Variants in CTSF observed in about 807,000 individuals in gnomAD.
The protein encoded by CTSF is cathepsin F.
In CTSF, 65 loss-of-function variants were observed where a neutral mutation model predicts 63.5. The ratio of observed to expected loss-of-function variants is 1.02; its 90% CI spans 0.84 to 1.26. The LOEUF (loss-of-function observed/expected upper bound fraction) is 1.26. CTSF is among the 50% of genes most tolerant of loss of function. The pLI is 0.00. For missense variants in CTSF, 641 were observed against 631.0 expected (o/e 1.02, Z -0.17); for synonymous variants, 256 against 258.1 (o/e 0.99, Z 0.08).
In CTSF at chr11:66,565,908, C is replaced by T; in HGVS notation, c.887G>A (p.Trp296Ter). 6.2e-7 allele frequency: 1 copy of T among 1,614,060 alleles called. No homozygotes were observed. Among genetic ancestry groups the T allele is most frequent in the Non-Finnish European group, 8.5e-7 (1 of 1,180,018 alleles). The part of the protein sequence containing the change: ...VKDQGMCGSC[W>*]AFSVTGNVEG... Reference sequence around the variant, plus strand: ...CACATTGCCTGTGACTGAGAAGGCCCAGCAGGAGCCACACATGCCCTACAA... The same window carrying T: ...CACATTGCCTGTGACTGAGAAGGCCTAGCAGGAGCCACACATGCCCTACAA... Residue 296 changes from tryptophan (W) to a stop codon, truncating the protein, a stop_gained, in exon 7 of 13, where the codon TGG becomes TAG. Coordinates refer to ENST00000310325, the MANE Select transcript of CTSF (RefSeq NM_003793.4). LOFTEE classifies it high-confidence loss of function.
intron 7 of CTSF, 27 bp downstream of exon 7, chr11:66,565,804 G>T: frequency 6.2e-7 from 1 of 1,613,942 alleles, no homozygotes; most frequent in South Asian, 1.1e-5. Context: ...CTAGGCTGGG[G>T]ACAGAGGAGT....
Position 66,568,278 on chromosome 11 carries a change from C to T in CTSF, c.209G>A (p.Arg70His), listed in dbSNP as rs759760874. The T allele has an allele frequency of 6.7e-7, 1 of 1,497,536 alleles. No homozygotes were observed. The highest frequency in any genetic ancestry group is 1.4e-5 in the African/African-American group (1 of 69,560). 92.8% of individuals were successfully genotyped at this position (1,497,536 alleles called of 1,614,324 possible). ...AVLGLVRGRVRRAGQGSLYSL... is the reference protein window; with the variant it reads ...AVLGLVRGRVHRAGQGSLYSL... ...CCGCCCCCGGCGCGTCCTCACCCGG[C>T]GGACGCGGCCGCGCACAAGGCCCAG... The change falls in exon 1 of 13, where the codon CGC (arginine) becomes CAC (histidine). Residue 70 changes from arginine to histidine, a missense_variant. Arg to His is a conservative substitution (Grantham distance 29). Transcript: ENST00000310325.
chr11:66,565,794 C>CT, intron 7 of CTSF, 37 bp downstream of exon 7: 1 of 1,613,878 alleles, frequency 6.2e-7, no homozygotes, highest in Non-Finnish European at 8.5e-7. Context: ...TCCTGAGGGG[C>CT]TAGGCTGGGG....
chr11:66,563,864 C>T lies in CTSF; in HGVS notation c.*69G>A, dbSNP rs768881878. The T allele has an allele frequency of 8.1e-5, 129 of 1,592,680 alleles. No homozygotes were observed. The highest frequency in any genetic ancestry group is 1.1e-4 in the Non-Finnish European group (127 of 1,167,320). On this transcript the variant is annotated 3_prime_UTR_variant, in exon 13 of 13. Coordinates refer to ENST00000310325, the MANE Select transcript of CTSF (RefSeq NM_003793.4). ...CCAGCTGTACCTCCCGGGGAGGGGC[C>T]TGGACACATGTCAGGCTGGGGCAGC...
At position 66,567,918 on chromosome 11, in the gene CTSF, C is replaced by G. The variant is rs143186834; in HGVS notation, c.312+66G>C. On this transcript the variant is annotated intron_variant, in intron 2 of 12. Coordinates refer to ENST00000310325, the MANE Select transcript of CTSF (RefSeq NM_003793.4). Reference sequence around the variant, plus strand: ...CAGATCCCTGCGTCTTGACCTGACCCGTCATCATCCAACTGCTGCTTTACT... The same window carrying G: ...CAGATCCCTGCGTCTTGACCTGACCGGTCATCATCCAACTGCTGCTTTACT... 9 of 1,523,026 alleles carry G rather than the reference C, an allele frequency of 5.9e-6. No homozygotes were observed. The South Asian group carries it at 7.7e-5, about 13-fold the overall frequency. The allele number at this position is 1,523,026 out of a possible 1,614,324, so 94.3% of individuals were successfully genotyped here.
intron 1 of CTSF, 86 bp downstream of exon 1, chr11:66,568,188 A>G: frequency 6.5e-7 from 1 of 1,533,036 alleles, no homozygotes; most frequent in Non-Finnish European, 8.8e-7. Flanking sequence ...CGGTTCGTCC[A>G]GCGGGCAGGC....
intron 8 of CTSF, 48 bp downstream of exon 8, chr11:66,565,623 C>G: frequency 6.2e-7 from 1 of 1,607,788 alleles, no homozygotes. Flanking sequence ...ACTTCTTGTA[C>G]AGGGAGAAGT....
chr11:66,566,249 G>T, intron 5 of CTSF, 42 bp downstream of exon 5: 1 of 1,613,896 alleles, frequency 6.2e-7, no homozygotes, highest in Non-Finnish European at 8.5e-7. Flanking sequence ...GCAAGGTCCT[G>T]TCTCTTCCTG....
chr11:66,567,711 G>A, intron 2 of CTSF, 49 bp from the exon 3 acceptor site: 5 of 1,580,064 alleles, frequency 3.2e-6, no homozygotes, highest in Non-Finnish European at 4.3e-6. Context: ...CTGGATCTGG[G>A]GAGCAAGATC....
chr11:66,568,564 G>A lies in CTSF; in HGVS notation c.-78C>T. On this transcript the variant is annotated 5_prime_UTR_variant, in exon 1 of 13. Coordinates refer to ENST00000310325, the MANE Select transcript of CTSF (RefSeq NM_003793.4). ...GGGTACCGAGCCCGCGGCCAGCGGG[G>A]CCTGAGTCCTCCCTCCAGCGGGGCG... 9 of 1,419,322 alleles carry A rather than the reference G, an allele frequency of 6.3e-6. No individual in the cohort carries two copies. The highest frequency in any genetic ancestry group is 8.3e-6 in the Non-Finnish European group (9 of 1,085,820). The allele number at this position is 1,419,322 out of a possible 1,614,324, so 87.9% of individuals were successfully genotyped here. A position where few individuals can be genotyped will look rare whatever the true frequency, so the allele number is the denominator to read the frequency against.
In CTSF at chr11:66,563,532, G is replaced by A. The variant is rs1857853276; in HGVS notation, c.*401C>T. 2 of 441,486 alleles carry A rather than the reference G, an allele frequency of 4.5e-6. No homozygotes were observed. Among genetic ancestry groups the A allele is most frequent in the Non-Finnish European group, 8.1e-6 (2 of 246,914 alleles). The allele number at this position is 441,486 out of a possible 1,614,324, so 27.3% of individuals were successfully genotyped here. A position where few individuals can be genotyped will look rare whatever the true frequency, so the allele number is the denominator to read the frequency against. ...TACAAGTTTCCTGGACATGGAGAGG[G>A]ACACTATCCCTAAATCCAAGGGAAC... On this transcript the variant is annotated 3_prime_UTR_variant, in exon 13 of 13. Coordinates refer to ENST00000310325, the MANE Select transcript of CTSF (RefSeq NM_003793.4).
In CTSF at chr11:66,566,415, A is replaced by C. The variant is rs771508806; in HGVS notation, c.608-11T>G. ...GGCGCCACCGGGCTTCTGAGGACCA[A>C]GGAGCAGAAGAGGAGGGGTTCGACC... On this transcript the variant is annotated splice_polypyrimidine_tract_variant and intron_variant, in intron 4 of 12. Coordinates refer to ENST00000310325, the MANE Select transcript of CTSF (RefSeq NM_003793.4). The C allele has an allele frequency of 6.2e-6, 10 of 1,613,364 alleles. No individual in the cohort carries two copies. In the East Asian group the frequency reaches 2.0e-4, roughly 32 times the overall value.
rs767821685 is a variant in CTSF at position 66,568,048 on chromosome 11, G to T, written c.248C>A (p.Thr83Asn). 1.9e-6 allele frequency: 3 copies of T among 1,603,108 alleles called. No homozygotes were observed. Among genetic ancestry groups the T allele is most frequent in the African/African-American group, 1.3e-5 (1 of 74,134 alleles). ...GTCGTTGCAGGGTGGCTCCTCCAGG[G>T]TGGCCTCCAGGGAGTACAGCGACCC... Reference protein sequence around the residue: ...GQGSLYSLEATLEEPPCNDPM... With the variant: ...GQGSLYSLEANLEEPPCNDPM... The change falls in exon 2 of 13, where the codon ACC (threonine) becomes AAC (asparagine). Residue 83 changes from threonine (T) to asparagine (N), a missense_variant. Transcript: ENST00000310325.
Position 66,563,848 on chromosome 11 carries a change from C to T in CTSF, c.*85G>A. On this transcript the variant is annotated 3_prime_UTR_variant, in exon 13 of 13. Coordinates refer to ENST00000310325, the MANE Select transcript of CTSF (RefSeq NM_003793.4). ...AGTGCCTTTCCCTCTGCCAGCTGTA[C>T]CTCCCGGGGAGGGGCCTGGACACAT... The T allele has an allele frequency of 5.8e-6, 9 of 1,542,778 alleles. 1 individual carries two copies. Among genetic ancestry groups the T allele is most frequent in the Non-Finnish European group, 8.0e-6 (9 of 1,130,780 alleles).
In CTSF at chr11:66,567,614, G is replaced by A. The variant is rs771743743; in HGVS notation, c.361C>T (p.Arg121Trp). 1.1e-5 allele frequency: 17 copies of A among 1,614,064 alleles called. No individual in the cohort carries two copies. Among genetic ancestry groups the A allele is most frequent in the African/African-American group, 2.7e-5 (2 of 74,938 alleles). Residue 121 changes from arginine to tryptophan, a missense_variant, in exon 3 of 13, where the codon CGG becomes TGG. By Grantham distance (101) the Arg-to-Trp change is moderately radical (BLOSUM62 -3). Coordinates refer to ENST00000310325, the MANE Select transcript of CTSF (RefSeq NM_003793.4). ...GTGTCCACTGGGCCACAGTCCTTCC[G>A]CAGCAGCACGTGTCTTCCGAGCTCA... ...LDELGRHVLLRKDCGPVDTKV... is the reference protein window; with the variant it reads ...LDELGRHVLLWKDCGPVDTKV...
Position 66,568,582 on chromosome 11 carries a change from G to A in CTSF, c.-96C>T. On this transcript the variant is annotated 5_prime_UTR_variant, in exon 1 of 13. Transcript: ENST00000310325. ...CAGCGGGGCCTGAGTCCTCCCTCCA[G>A]CGGGGCGACGGCACGCCGACCAATG... The A allele has an allele frequency of 1.5e-6, 2 of 1,354,110 alleles. No individual in the cohort carries two copies. The highest frequency in any genetic ancestry group is 3.1e-5 in the East Asian group (1 of 32,424). The allele number at this position is 1,354,110 out of a possible 1,614,324, so 83.9% of individuals were successfully genotyped here. A position where few individuals can be genotyped will look rare whatever the true frequency, so the allele number is the denominator to read the frequency against.
At position 66,565,138 on chromosome 11, in the gene CTSF, G is replaced by A. The variant is rs946164223; in HGVS notation, c.1046-132C>T. ...CAGGCCACAGGCCATCCCCTCTGAAGAATGTCTTCATTCTAGAAATGACAC... is the reference window on the plus strand; with the variant it reads ...CAGGCCACAGGCCATCCCCTCTGAAAAATGTCTTCATTCTAGAAATGACAC... On this transcript the variant is annotated intron_variant, in intron 8 of 12. Transcript: ENST00000310325. 4 of 1,417,400 alleles carry A rather than the reference G, an allele frequency of 2.8e-6. No individual in the cohort carries two copies. In the African/African-American group the frequency reaches 5.7e-5, roughly 20 times the overall value. 87.8% of individuals were successfully genotyped at this position (1,417,400 alleles called of 1,614,324 possible). A position where few individuals can be genotyped will look rare whatever the true frequency, so the allele number is the denominator to read the frequency against.
Position 66,567,869 on chromosome 11 carries a change from C to T in CTSF, c.312+115G>A, listed in dbSNP as rs1226347289. ...CCAGCCCTCGGGGCCTGGGAAGTGG[C>T]TCAAGGTGGGGCAGCAGCTACCTCA... is the stretch of plus-strand genomic sequence containing the variant. On this transcript the variant is annotated intron_variant, in intron 2 of 12. Coordinates refer to ENST00000310325, the MANE Select transcript of CTSF (RefSeq NM_003793.4). 4.9e-6 allele frequency: 7 copies of T among 1,434,832 alleles called. No individual in the cohort carries two copies. The East Asian group carries it at 1.6e-4, about 33-fold the overall frequency. The allele number at this position is 1,434,832 out of a possible 1,614,324, so 88.9% of individuals were successfully genotyped here. A position where few individuals can be genotyped will look rare whatever the true frequency, so the allele number is the denominator to read the frequency against.
Position 66,568,593 on chromosome 11 carries a change from G to A in CTSF, c.-107C>T. On this transcript the variant is annotated 5_prime_UTR_variant, in exon 1 of 13. Coordinates refer to ENST00000310325, the MANE Select transcript of CTSF (RefSeq NM_003793.4). ...GAGTCCTCCCTCCAGCGGGGCGACG[G>A]CACGCCGACCAATGGGCGCTGGTTT... is the stretch of plus-strand genomic sequence containing the variant. 1 of 1,304,038 alleles carries A rather than the reference G, an allele frequency of 7.7e-7. No individual in the cohort carries two copies. The highest frequency in any genetic ancestry group is 1.0e-6 in the Non-Finnish European group (1 of 1,001,726). The allele number at this position is 1,304,038 out of a possible 1,614,324, so 80.8% of individuals were successfully genotyped here.
Sources: gnomAD v4.1 joint callset for allele counts on GRCh38, gnomAD v4.1.1 for gene constraint, MANE v1.5 for transcripts, NCBI Gene and HGNC (gene_info 2026-07-23, HGNC 2026-07-21) for gene names.